EFR3B: variants seen among roughly 807,000 people sequenced by gnomAD.
The protein encoded by EFR3B is EFR3 homolog B.
In EFR3B, 64 loss-of-function variants were observed where a neutral mutation model predicts 104.7. The observed-to-expected ratio is 0.61, with a 90% CI of 0.50 to 0.75. The LOEUF (loss-of-function observed/expected upper bound fraction) is 0.75, where lower values mean the gene tolerates loss of function less well. EFR3B is among the 30% of genes least tolerant of loss of function. The pLI, the probability that EFR3B is intolerant of heterozygous loss-of-function variation, is 0.00. For synonymous variants in EFR3B, 385 were observed against 417.9 expected (o/e 0.92, Z 0.96); for missense variants, 750 against 1,078.5 (o/e 0.70, Z 4.27).
intron 3 of EFR3B, among the ~76,000 whole-genome samples, chr2:25,099,048 C>T (rs543241401): frequency 3.3e-5 from 5 of 151,956 alleles, no homozygotes; most frequent in Admixed American, 1.3e-4. Flanking sequence ...TACAGAAGGA[C>T]GCTGGGATGA....
chr2:25,076,820 T>A, intron 1 of EFR3B, among the ~76,000 whole-genome samples: 1 of 152,106 alleles, frequency 6.6e-6, no homozygotes, highest in Middle Eastern at 3.4e-3. Flanking sequence ...AACGGGTGAG[T>A]GTCTCGGAAG....
intron 19 of EFR3B, among the ~76,000 whole-genome samples, chr2:25,149,392 G>T (rs1480976113): frequency 6.6e-6 from 1 of 152,124 alleles, no homozygotes; most frequent in Admixed American, 6.6e-5. Context: ...TTCCTCCCAT[G>T]GTGCTTGATG....
chr2:25,061,544 A>G (rs533179772), intron 1 of EFR3B, among the ~76,000 whole-genome samples: 22 of 151,578 alleles, frequency 1.5e-4, no homozygotes, highest in African/African-American at 5.3e-4. Context: ...CCCAGGCTGG[A>G]GTGCTGTGGC....
At chr2:25,104,064 G>A (rs974253541) in intron 4 of EFR3B, among the ~76,000 whole-genome samples, 2 of 151,848 alleles carry the variant, frequency 1.3e-5, no homozygotes, top group Non-Finnish European at 2.9e-5. Flanking sequence ...AAACCCCGTG[G>A]TGGCCAGGCA....
chr2:25,057,730 C>A (rs143521225), intron 1 of EFR3B, among the ~76,000 whole-genome samples: 1 of 148,502 alleles, frequency 6.7e-6, no homozygotes, highest in Non-Finnish European at 1.5e-5. Context: ...TGTAGTGAGC[C>A]GAGATTGCAC....
chr2:25,138,285 A>G (rs1176667081), intron 15 of EFR3B, among the ~76,000 whole-genome samples: 1 of 152,262 alleles, frequency 6.6e-6, no homozygotes, highest in Non-Finnish European at 1.5e-5. Context: ...AAGGTAAGTC[A>G]GAGTCTGGAA....
chr2:25,090,825 G>A (rs1464744548), intron 1 of EFR3B, among the ~76,000 whole-genome samples: 2 of 152,178 alleles, frequency 1.3e-5, no homozygotes, highest in Non-Finnish European at 2.9e-5. Flanking sequence ...AGGGGCAAAC[G>A]AGGTGGCAGA....
At chr2:25,102,893 T>C (rs776296880) in intron 3 of EFR3B, among the ~76,000 whole-genome samples, 2 of 152,220 alleles carry the variant, frequency 1.3e-5, no homozygotes, top group Non-Finnish European at 2.9e-5. Context: ...TCTTATTCCC[T>C]AAGTAAGAAG....
chr2:25,120,367 C>A (rs1028159545), intron 4 of EFR3B, among the ~76,000 whole-genome samples: 1 of 149,838 alleles, frequency 6.7e-6, no homozygotes, highest in African/African-American at 2.5e-5. Context: ...AAACCCTGGC[C>A]GGGCGCAGTG....
intron 19 of EFR3B, chr2:25,145,666 G>A (rs1292260877): frequency 5.2e-5 from 8 of 152,798 alleles, no homozygotes; most frequent in Admixed American, 5.2e-4. Context: ...CTTAACTGGA[G>A]AGATAAGGGT....
chr2:25,116,149 C>G (rs760811149), intron 4 of EFR3B: 1 of 152,174 alleles, frequency 6.6e-6, no homozygotes, highest in Non-Finnish European at 1.5e-5. Flanking sequence ...TACTGCTGTT[C>G]AATGATTGTG....
chr2:25,091,424 A>G (rs1398446486), intron 2 of EFR3B, 23 bp downstream of exon 2: 13 of 1,542,656 alleles, frequency 8.4e-6, no homozygotes, highest in Non-Finnish European at 1.1e-5. Context: ...TCTGGCAGGC[A>G]TCGTGGCTCT....
In EFR3B at chr2:25,157,659, T is replaced by G. The variant is rs1413149428; in HGVS notation, c.*3319T>G. 2 of 152,200 alleles carry G rather than the reference T, an allele frequency of 1.3e-5. No homozygotes were observed. The highest frequency in any genetic ancestry group is 2.9e-5 in the Non-Finnish European group (2 of 68,074). The allele number at this position is 152,200 out of a possible 1,614,324, so 9.4% of individuals were successfully genotyped here. ...TGAGTAGGCAGGAATGTATTTGAGA[T>G]TTGGAAGTACTGTTAATTTGGTGGA... On this transcript the variant is annotated 3_prime_UTR_variant, in exon 23 of 23. Transcript: ENST00000403714.
intron 1 of EFR3B, among the ~76,000 whole-genome samples, chr2:25,049,079 A>T (rs1038335677): frequency 1.1e-4 from 17 of 152,354 alleles, no homozygotes; most frequent in African/African-American, 3.6e-4. Flanking sequence ...GACTAGTTAC[A>T]TATTGTTCAA....
intron 1 of EFR3B, among the ~76,000 whole-genome samples, chr2:25,060,460 T>A (rs1668156270): frequency 6.6e-6 from 1 of 151,034 alleles, no homozygotes; most frequent in Non-Finnish European, 1.5e-5. Context: ...TAAAGTGCCA[T>A]TTTTTTTTCA....
intron 6 of EFR3B, 109 bp downstream of exon 6, chr2:25,128,441 G>C (rs894570053): frequency 4.3e-6 from 6 of 1,402,618 alleles, no homozygotes; most frequent in South Asian, 4.1e-5. Context: ...CAAGGCCAGG[G>C]ACATGGCTTT....
intron 4 of EFR3B, among the ~76,000 whole-genome samples, chr2:25,111,790 A>T (rs903136436): frequency 6.6e-6 from 1 of 152,212 alleles, no homozygotes; most frequent in African/African-American, 2.4e-5. Flanking sequence ...GGCTTTGAAG[A>T]TAGAGAAGGG....
intron 5 of EFR3B, among the ~76,000 whole-genome samples, chr2:25,124,060 T>C (rs943470871): frequency 1.3e-5 from 2 of 152,166 alleles, no homozygotes; most frequent in Non-Finnish European, 2.9e-5. Flanking sequence ...TCTTCTTGCC[T>C]TTCTCTTCCG....
intron 4 of EFR3B, among the ~76,000 whole-genome samples, chr2:25,118,724 T>TATAAA (rs1208806738): frequency 1.1e-4 from 1 of 9,018 alleles, no homozygotes; most frequent in Non-Finnish European, 3.1e-4. Context: ...ACCCTGTCTC[T>TATAAA]ACAAAAAAAA....
Sources: gnomAD v4.1 joint callset for allele counts (sites outside exome capture counted in the v4.1 genomes callset) on GRCh38, gnomAD v4.1.1 for gene constraint, MANE v1.5 for transcripts, NCBI Gene and HGNC (gene_info 2026-07-23, HGNC 2026-07-21) for gene names.